Variants in ESRRB observed in about 807,000 individuals in gnomAD.
ESRRB encodes the protein estrogen related receptor beta, also known as steroid hormone receptor ERR2.
Under a neutral mutation model 46.0 loss-of-function variants are expected in ESRRB, and 16 were observed. The observed-to-expected ratio is 0.35, with a 90% CI of 0.24 to 0.53. The LOEUF (loss-of-function observed/expected upper bound fraction) is 0.53, where lower values mean the gene tolerates loss of function less well. Among genes scored for constraint, ESRRB ranks in the 20% least tolerant of loss-of-function variants. The pLI is 0.93. For missense variants in ESRRB, 488 were observed against 607.4 expected (o/e 0.80, Z 2.07); for synonymous variants, 246 against 259.6 (o/e 0.95, Z 0.50).
chr14:76,410,368 T>C (rs1886382284), intron 1 of ESRRB, among the ~76,000 whole-genome samples: 1 of 152,006 alleles, frequency 6.6e-6, no homozygotes, highest in Non-Finnish European at 1.5e-5. Flanking sequence ...ACTATGAGAG[T>C]GCAGGCAGTG....
intron 1 of ESRRB, among the ~76,000 whole-genome samples, chr14:76,343,282 G>T (rs1394677418): frequency 6.6e-6 from 1 of 152,224 alleles, no homozygotes; most frequent in Non-Finnish European, 1.5e-5. Flanking sequence ...TTTATTCTAG[G>T]TATGGCATAA....
intron 3 of ESRRB, among the ~76,000 whole-genome samples, chr14:76,480,209 C>A (rs1378793467): frequency 6.6e-6 from 1 of 152,100 alleles, no homozygotes; most frequent in Non-Finnish European, 1.5e-5. Context: ...GAGTAGACTC[C>A]CCCTCTCCCC....
chr14:76,333,058 T>C lies in ESRRB; in HGVS notation c.2+22142T>C, dbSNP rs1298326470. Among the ~76,000 whole-genome samples, 2 of 6,360 alleles carry C rather than the reference T, an allele frequency of 3.1e-4. 1 individual carries two copies. Among genetic ancestry groups the C allele is most frequent in the Non-Finnish European group, 6.3e-4 (2 of 3,178 alleles). 4.2% of individuals were successfully genotyped at this position (6,360 alleles called of 152,430 possible). A position where few individuals can be genotyped will look rare whatever the true frequency, so the allele number is the denominator to read the frequency against. ...ATATTATATATTATATATTATATAT[T>C]ATATATTATATATTATATATATTAT... On this transcript the variant is annotated intron_variant, in intron 1 of 6. Transcript: ENST00000512784.
intron 3 of ESRRB, among the ~76,000 whole-genome samples, chr14:76,474,439 G>A (rs995355666): frequency 3.9e-5 from 6 of 152,176 alleles, no homozygotes; most frequent in South Asian, 2.1e-4. Context: ...GTTTGATAGC[G>A]TTTTGTATTC....
chr14:76,422,837 G>A (rs910067401), intron 1 of ESRRB, among the ~76,000 whole-genome samples: 2 of 152,186 alleles, frequency 1.3e-5, no homozygotes, highest in African/African-American at 2.4e-5. Flanking sequence ...GAGCCCTCAT[G>A]CCCAGGCCCT....
chr14:76,406,559 C>T (rs762957054), intron 1 of ESRRB, among the ~76,000 whole-genome samples: 1 of 152,120 alleles, frequency 6.6e-6, no homozygotes, highest in Non-Finnish European at 1.5e-5. Flanking sequence ...GCCTAGACAA[C>T]ATAGTGAAAC....
At chr14:76,434,659 C>CA (rs397964458) in intron 1 of ESRRB, among the ~76,000 whole-genome samples, 27,829 of 126,866 alleles carry the variant, frequency 0.22, 2,736 homozygotes, top group Middle Eastern at 0.29. Flanking sequence ...GACTCTGTCT[C>CA]AAAAAAAAAA....
At chr14:76,361,623 C>T (rs1222335779) in intron 1 of ESRRB, among the ~76,000 whole-genome samples, 1 of 152,178 alleles carries the variant, frequency 6.6e-6, no homozygotes, top group African/African-American at 2.4e-5. Context: ...GTTCTTTTTA[C>T]ACCTGTTGAA....
chr14:76,478,475 A>T (rs1889670468), intron 3 of ESRRB, among the ~76,000 whole-genome samples: 1 of 151,988 alleles, frequency 6.6e-6, no homozygotes, highest in South Asian at 2.1e-4. Context: ...ACTCTGATTG[A>T]CAGCTGCTTG....
chr14:76,462,757 C>G lies in ESRRB; in HGVS notation c.577+96C>G, dbSNP rs990256305. The G allele has an allele frequency of 5.2e-6, 5 of 960,320 alleles. No homozygotes were observed. The African/African-American group carries it at 8.0e-5, about 15-fold the overall frequency. 59.5% of individuals were successfully genotyped at this position (960,320 alleles called of 1,614,324 possible). On this transcript the variant is annotated intron_variant, in intron 3 of 6. Transcript: ENST00000644823. ...ACACCCACAAGCTGTGGACCTGTGT[C>G]CCAGGGTGAGACCCAGTCTGAGCGC...
At chr14:76,344,972 C>A (rs532735864) in intron 1 of ESRRB, among the ~76,000 whole-genome samples, 21 of 152,098 alleles carry the variant, frequency 1.4e-4, no homozygotes, top group Non-Finnish European at 2.5e-4. Flanking sequence ...TTTATCTACT[C>A]GTTGATTGAT....
At chr14:76,443,867 CAA>C (rs1440512977) in intron 2 of ESRRB, among the ~76,000 whole-genome samples, 4 of 152,144 alleles carry the variant, frequency 2.6e-5, no homozygotes, top group Non-Finnish European at 5.9e-5. Context: ...TCGTAGAAGT[CAA>C]AAGACAAACA....
chr14:76,358,168 C>T (rs1467871471), intron 1 of ESRRB, among the ~76,000 whole-genome samples: 2 of 151,548 alleles, frequency 1.3e-5, no homozygotes, highest in African/African-American at 4.8e-5. Context: ...AAAAATTATC[C>T]AGGCGTGGTG....
At chr14:76,415,520 C>A (rs958690056) in intron 1 of ESRRB, among the ~76,000 whole-genome samples, 4 of 152,052 alleles carry the variant, frequency 2.6e-5, no homozygotes, top group African/African-American at 9.7e-5. Context: ...ATTAGCCAGG[C>A]GTGGTGGTTT....
chr14:76,495,866 A>G (rs1005206949), intron 6 of ESRRB, among the ~76,000 whole-genome samples: 1 of 152,212 alleles, frequency 6.6e-6, no homozygotes, highest in Admixed American at 6.5e-5. Flanking sequence ...TAAAGTTTCT[A>G]AATGCTTACT....
At chr14:76,453,930 G>T (rs528324079) in intron 2 of ESRRB, among the ~76,000 whole-genome samples, 24 of 152,232 alleles carry the variant, frequency 1.6e-4, no homozygotes, top group Non-Finnish European at 2.9e-4. Context: ...TTTCTTGACT[G>T]ATGGGTAAAA....
chr14:76,486,614 G>C (rs1402237174), intron 5 of ESRRB, among the ~76,000 whole-genome samples: 1 of 152,134 alleles, frequency 6.6e-6, no homozygotes, highest in African/African-American at 2.4e-5. Context: ...CACGGATGGG[G>C]GGATGGGGAG....
intron 1 of ESRRB, among the ~76,000 whole-genome samples, chr14:76,361,098 G>A (rs549252392): frequency 1.6e-4 from 24 of 152,342 alleles, no homozygotes; most frequent in African/African-American, 5.8e-4. Flanking sequence ...CACATTGCTG[G>A]TGGTAGAATC....
intron 1 of ESRRB, among the ~76,000 whole-genome samples, chr14:76,322,557 G>A (rs1289899847): frequency 6.6e-6 from 1 of 152,090 alleles, no homozygotes; most frequent in Non-Finnish European, 1.5e-5. Flanking sequence ...CACATCTTGT[G>A]TTTTTCCCCA....
Sources: allele counts gnomAD v4.1 joint callset (sites outside exome capture counted in the v4.1 genomes callset), GRCh38; gene constraint gnomAD v4.1.1; transcripts MANE v1.5; gene names NCBI Gene and HGNC (gene_info 2026-07-23, HGNC 2026-07-21).